FGF10: variants seen among roughly 807,000 people sequenced by gnomAD.
The protein encoded by FGF10 is fibroblast growth factor 10.
A neutral mutation model predicts 19.8 loss-of-function variants in FGF10; 2 were observed. The observed-to-expected ratio is 0.10, with a 90% CI of 0.04 to 0.32. The LOEUF is 0.32. FGF10 is among the 10% of genes least tolerant of loss of function. FGF10 has a pLI of 1.00. For synonymous variants in FGF10, 112 were observed against 94.0 expected (o/e 1.19, Z -1.10); for missense variants, 191 against 246.3 (o/e 0.78, Z 1.50).
At chr5:44,318,206 T>C (rs1345345441) in intron 1 of FGF10, among the ~76,000 whole-genome samples, 1 of 152,212 alleles carries the variant, frequency 6.6e-6, no homozygotes, top group East Asian at 1.9e-4. Flanking sequence ...GACAGAAAAG[T>C]TAAGAAAAGA....
intron 1 of FGF10, among the ~76,000 whole-genome samples, chr5:44,377,919 C>T (rs1397288163): frequency 6.6e-6 from 1 of 152,206 alleles, no homozygotes; most frequent in Non-Finnish European, 1.5e-5. Flanking sequence ...ATGTCACTAT[C>T]TTAGCCGTTG....
At chr5:44,361,231 A>G (rs774272280) in intron 1 of FGF10, among the ~76,000 whole-genome samples, 1 of 151,710 alleles carries the variant, frequency 6.6e-6, no homozygotes, top group Non-Finnish European at 1.5e-5. Context: ...GCTGCCCCAC[A>G]GAAGCTCCTT....
Position 44,364,341 on chromosome 5 carries a change from A to AT in FGF10, c.325+24016dup. ...ATATTAACAGGAAGATGCACATCTT[A>AT]TATTTAGAGAATCTCATGACACTCA... On this transcript the variant is annotated intron_variant, in intron 1 of 2. Transcript: ENST00000264664. 2.0e-5 allele frequency among the ~76,000 whole-genome samples: 3 copies of AT among 152,012 alleles called. No homozygotes were observed. In the Middle Eastern group the frequency reaches 0.01, roughly 517 times the overall value.
chr5:44,305,739 T>C (rs533729752), intron 2 of FGF10, among the ~76,000 whole-genome samples: 1 of 152,314 alleles, frequency 6.6e-6, no homozygotes, highest in African/African-American at 2.4e-5. Flanking sequence ...GGGATGTCTT[T>C]CTTCCAAATA....
chr5:44,368,142 C>T (rs1036006324), intron 1 of FGF10, among the ~76,000 whole-genome samples: 1 of 152,014 alleles, frequency 6.6e-6, no homozygotes, highest in Admixed American at 6.6e-5. Flanking sequence ...CTAATTCAAT[C>T]AGAGTGCCAG....
intron 1 of FGF10, among the ~76,000 whole-genome samples, chr5:44,335,396 A>G (rs1227410232): frequency 1.3e-5 from 2 of 152,030 alleles, no homozygotes; most frequent in African/African-American, 2.4e-5. Context: ...CTAGTGTTCT[A>G]CTTAGTATGT....
At chr5:44,328,549 G>C (rs917269040) in intron 1 of FGF10, among the ~76,000 whole-genome samples, 22 of 152,148 alleles carry the variant, frequency 1.4e-4, no homozygotes, top group Non-Finnish European at 1.6e-4. Context: ...CTTGAGCCTA[G>C]GAATTTGAGA....
At chr5:44,314,132 G>C (rs1740278009) in intron 1 of FGF10, among the ~76,000 whole-genome samples, 1 of 152,068 alleles carries the variant, frequency 6.6e-6, no homozygotes, top group African/African-American at 2.4e-5. Context: ...GCTGGGAAGG[G>C]TGGGAAGGCA....
chr5:44,379,371 T>C (rs563523702), intron 1 of FGF10, among the ~76,000 whole-genome samples: 6 of 152,320 alleles, frequency 3.9e-5, no homozygotes, highest in Admixed American at 3.3e-4. Context: ...TGAATGAATA[T>C]ACGATCTCAT....
intron 2 of FGF10, among the ~76,000 whole-genome samples, chr5:44,309,030 C>A (rs1482812970): frequency 6.6e-6 from 1 of 152,080 alleles, no homozygotes; most frequent in Non-Finnish European, 1.5e-5. Context: ...TTCTCTCAGC[C>A]TTATGCTAAT....
chr5:44,365,466 T>C (rs1741586154), intron 1 of FGF10, among the ~76,000 whole-genome samples: 1 of 151,892 alleles, frequency 6.6e-6, no homozygotes, highest in Non-Finnish European at 1.5e-5. Context: ...ACTCAAAACC[T>C]TCTTCTTGCA....
At chr5:44,364,688 G>A (rs1579934648) in intron 1 of FGF10, among the ~76,000 whole-genome samples, 1 of 152,014 alleles carries the variant, frequency 6.6e-6, no homozygotes, top group Admixed American at 6.6e-5. Flanking sequence ...ACATAATGAA[G>A]ATACTACCAC....
chr5:44,372,010 A>G (rs2083230280), intron 1 of FGF10, among the ~76,000 whole-genome samples: 1 of 152,122 alleles, frequency 6.6e-6, no homozygotes, highest in Non-Finnish European at 1.5e-5. Flanking sequence ...GTTGTCTTAG[A>G]TTCCTGTATT....
chr5:44,334,194 T>C (rs1740796266), intron 1 of FGF10, among the ~76,000 whole-genome samples: 1 of 152,138 alleles, frequency 6.6e-6, no homozygotes, highest in African/African-American at 2.4e-5. Context: ...TTTTTTTATT[T>C]TGAATGAGGA....
chr5:44,320,435 G>C (rs1740459190), intron 1 of FGF10, among the ~76,000 whole-genome samples: 1 of 152,158 alleles, frequency 6.6e-6, no homozygotes, highest in South Asian at 2.1e-4. Flanking sequence ...AAACATCACT[G>C]GAGTGCTTCT....
At position 44,302,736 on chromosome 5, in the gene FGF10, C is replaced by T. The variant is rs745468903; in HGVS notation, c.*2259G>A. On this transcript the variant is annotated 3_prime_UTR_variant, in exon 3 of 3. Coordinates refer to ENST00000264664, the MANE Select transcript of FGF10 (RefSeq NM_004465.2). Reference sequence around the variant, plus strand: ...GTTTTCTATTTTTGGCCTCTGCAAGCTTTAATATATTTTGCTAGAAGCTGT... The same window carrying T: ...GTTTTCTATTTTTGGCCTCTGCAAGTTTTAATATATTTTGCTAGAAGCTGT... Among the ~76,000 whole-genome samples the T allele has an allele frequency of 2.6e-5, 4 of 152,006 alleles. No homozygotes were observed. Among genetic ancestry groups the T allele is most frequent in the Non-Finnish European group, 4.4e-5 (3 of 67,992 alleles).
intron 1 of FGF10, among the ~76,000 whole-genome samples, chr5:44,378,479 T>C (rs558872671): frequency 6.6e-6 from 1 of 152,306 alleles, no homozygotes; most frequent in African/African-American, 2.4e-5. Flanking sequence ...TCGCCCAGGC[T>C]GGAGTGCTGT....
chr5:44,309,274 A>G (rs1416545549), intron 2 of FGF10, among the ~76,000 whole-genome samples: 1 of 152,118 alleles, frequency 6.6e-6, no homozygotes, highest in Non-Finnish European at 1.5e-5. Context: ...CCAGAGAAAA[A>G]AATGAAATTC....
At chr5:44,307,481 AACT>A (rs1740106655) in intron 2 of FGF10, among the ~76,000 whole-genome samples, 3 of 152,192 alleles carry the variant, frequency 2.0e-5, no homozygotes, top group Admixed American at 6.5e-5. Context: ...GTCAGGAGAA[AACT>A]CAAAATACAA....
Sources: gnomAD v4.1 joint callset for allele counts (sites outside exome capture counted in the v4.1 genomes callset) on GRCh38, gnomAD v4.1.1 for gene constraint, MANE v1.5 for transcripts, NCBI Gene and HGNC (gene_info 2026-07-23, HGNC 2026-07-21) for gene names.